HS6ST3: variants seen among roughly 807,000 people sequenced by gnomAD.
HS6ST3 encodes heparan sulfate 6-O-sulfotransferase 3.
A neutral mutation model predicts 36.7 loss-of-function variants in HS6ST3; 12 were observed. That is an observed-to-expected ratio of 0.33 (90% CI 0.21 to 0.53). The LOEUF (loss-of-function observed/expected upper bound fraction) is 0.53, where lower values mean the gene tolerates loss of function less well. Among genes scored for constraint, HS6ST3 ranks in the 20% least tolerant of loss-of-function variants. The pLI, the probability that HS6ST3 is intolerant of heterozygous loss-of-function variation, is 0.95. For missense variants in HS6ST3, 584 were observed against 640.9 expected (o/e 0.91, Z 0.96); for synonymous variants, 240 against 257.5 (o/e 0.93, Z 0.65).
chr13:96,163,135 A>T lies in HS6ST3; in HGVS notation c.707+71566A>T, dbSNP rs370501319. 4.0e-5 allele frequency among the ~76,000 whole-genome samples: 6 copies of T among 151,608 alleles called. No homozygotes were observed. The East Asian group carries it at 7.7e-4, about 20-fold the overall frequency. ...GTTGTTCTTTTGTATGTGGAGTAAC[A>T]TGCTGCTTTTATGAGGCAGTGGGTA... On this transcript the variant is annotated intron_variant, in intron 1 of 1. Coordinates refer to ENST00000376705, the MANE Select transcript of HS6ST3 (RefSeq NM_153456.4).
intron 1 of HS6ST3, among the ~76,000 whole-genome samples, chr13:96,824,071 A>T (rs1878598830): frequency 6.6e-6 from 1 of 152,248 alleles, no homozygotes; most frequent in South Asian, 2.1e-4. Flanking sequence ...TGCATATGTG[A>T]GGAAAGCCAC....
chr13:96,404,089 A>T (rs893629663), intron 1 of HS6ST3, among the ~76,000 whole-genome samples: 1 of 152,202 alleles, frequency 6.6e-6, no homozygotes, highest in Admixed American at 6.5e-5. Flanking sequence ...TCTGTTGTTC[A>T]TGTAAGAGGA....
chr13:96,563,212 A>G (rs891275216), intron 1 of HS6ST3, among the ~76,000 whole-genome samples: 1 of 152,170 alleles, frequency 6.6e-6, no homozygotes, highest in Non-Finnish European at 1.5e-5. Context: ...TGGCTTAGGC[A>G]AGGCTGGATT....
chr13:96,415,018 G>A (rs912597585), intron 1 of HS6ST3, among the ~76,000 whole-genome samples: 5 of 151,964 alleles, frequency 3.3e-5, no homozygotes, highest in African/African-American at 1.2e-4. Context: ...TTCTTACTTA[G>A]CTCTTATAGT....
At chr13:96,329,840 G>A (rs1327080193) in intron 1 of HS6ST3, among the ~76,000 whole-genome samples, 1 of 123,570 alleles carries the variant, frequency 8.1e-6, no homozygotes, top group Admixed American at 8.1e-5. Flanking sequence ...GGTCACTCAG[G>A]ACTTGCTTTA....
At chr13:96,540,519 C>G (rs2056173706) in intron 1 of HS6ST3, among the ~76,000 whole-genome samples, 1 of 152,098 alleles carries the variant, frequency 6.6e-6, no homozygotes, top group Non-Finnish European at 1.5e-5. Context: ...AACCCTCCTC[C>G]CAACCACTCT....
intron 1 of HS6ST3, among the ~76,000 whole-genome samples, chr13:96,393,753 G>A (rs1044031230): frequency 1.4e-4 from 21 of 152,146 alleles, no homozygotes; most frequent in African/African-American, 5.1e-4. Context: ...AGGGAGATGG[G>A]CTTGTTTAAA....
intron 1 of HS6ST3, among the ~76,000 whole-genome samples, chr13:96,156,679 A>G (rs1210207760): frequency 6.6e-6 from 1 of 151,972 alleles, no homozygotes; most frequent in Non-Finnish European, 1.5e-5. Flanking sequence ...TAACTTTGAG[A>G]CTTTGGGTTT....
At chr13:96,689,803 C>CAAGAAATCGAATTTT (rs71117607) in intron 1 of HS6ST3, among the ~76,000 whole-genome samples, 1 of 151,646 alleles carries the variant, frequency 6.6e-6, no homozygotes, top group Non-Finnish European at 1.5e-5. Context: ...GGATGTTTGT[C>CAAGAAATCGAATTTT]AACTTCGGAG....
intron 1 of HS6ST3, among the ~76,000 whole-genome samples, chr13:96,404,039 A>T (rs878888866): frequency 1.3e-5 from 2 of 152,172 alleles, no homozygotes; most frequent in East Asian, 3.8e-4. Context: ...GATTTATTTT[A>T]AAATGAACTG....
At chr13:96,471,810 T>C (rs990440160) in intron 1 of HS6ST3, among the ~76,000 whole-genome samples, 1 of 152,172 alleles carries the variant, frequency 6.6e-6, no homozygotes, top group African/African-American at 2.4e-5. Flanking sequence ...TAGTCAGCTG[T>C]TGCTATAATG....
chr13:96,745,974 G>A (rs956530792), intron 1 of HS6ST3, among the ~76,000 whole-genome samples: 8 of 151,860 alleles, frequency 5.3e-5, no homozygotes, highest in Non-Finnish European at 7.4e-5. Context: ...TTTCTGATTG[G>A]TTTTTCTAAT....
chr13:96,764,936 A>G (rs1877061370), intron 1 of HS6ST3, among the ~76,000 whole-genome samples: 1 of 151,868 alleles, frequency 6.6e-6, no homozygotes, highest in South Asian at 2.1e-4. Context: ...CTTGAGTTTA[A>G]TTCATTGGCC....
chr13:96,225,402 AT>A (rs776064818), intron 1 of HS6ST3, among the ~76,000 whole-genome samples: 1 of 152,254 alleles, frequency 6.6e-6, no homozygotes, highest in Non-Finnish European at 1.5e-5. Context: ...TCAGACTTTA[AT>A]ATTTTAAGTA....
intron 1 of HS6ST3, among the ~76,000 whole-genome samples, chr13:96,787,759 A>G (rs934812681): frequency 6.6e-6 from 1 of 151,966 alleles, no homozygotes. Flanking sequence ...AAAATGTTCC[A>G]TTTTGATAAG....
chr13:96,101,257 G>A (rs1007828942), intron 1 of HS6ST3, among the ~76,000 whole-genome samples: 3 of 152,044 alleles, frequency 2.0e-5, no homozygotes, highest in African/African-American at 2.4e-5. Context: ...AAACATTTAC[G>A]AGATGAGACC....
At chr13:96,638,568 T>C (rs2056557753) in intron 1 of HS6ST3, among the ~76,000 whole-genome samples, 1 of 151,958 alleles carries the variant, frequency 6.6e-6, no homozygotes, top group Non-Finnish European at 1.5e-5. Flanking sequence ...GCTGCTGTTC[T>C]TGTGACAGCG....
chr13:96,625,272 G>A (rs1250011431), intron 1 of HS6ST3, among the ~76,000 whole-genome samples: 2 of 152,194 alleles, frequency 1.3e-5, no homozygotes, highest in African/African-American at 2.4e-5. Flanking sequence ...ACTAAAGGTT[G>A]CTTTTGGCAC....
chr13:96,740,086 A>AT (rs1326596822), intron 1 of HS6ST3, among the ~76,000 whole-genome samples: 1 of 151,806 alleles, frequency 6.6e-6, no homozygotes, highest in Admixed American at 6.6e-5. Context: ...TCTCTGTTTG[A>AT]TTTTTTCTCC....
Sources: allele counts gnomAD v4.1 joint callset (sites outside exome capture counted in the v4.1 genomes callset), GRCh38; gene constraint gnomAD v4.1.1; transcripts MANE v1.5; gene names NCBI Gene and HGNC (gene_info 2026-07-23, HGNC 2026-07-21).